The following NMRK1 variants were observed in gnomAD, a reference collection of about 807,000 sequenced individuals.
The protein encoded by NMRK1 is nicotinamide riboside kinase 1, also known as NRK 1.
NMRK1 carries 28 observed loss-of-function variants against 29.9 expected under a neutral mutation model. That is an observed-to-expected ratio of 0.94 (90% CI 0.69 to 1.28). The LOEUF is 1.28. Among genes scored for constraint, NMRK1 ranks in the 50% most tolerant of loss-of-function variants. The pLI is 0.00. For missense variants in NMRK1, 218 were observed against 233.1 expected, an observed-to-expected ratio of 0.94 and a Z score of 0.42; for synonymous variants, 58 against 73.0, an observed-to-expected ratio of 0.79 and a Z score of 1.05.
chr9:75,063,434 A>G (rs1478934357), intron 8 of NMRK1, among the ~76,000 whole-genome samples: 1 of 152,128 alleles, frequency 6.6e-6, no homozygotes, highest in Non-Finnish European at 1.5e-5. Context: ...ATGTTTTTAA[A>G]GGGAGTTTGA....
Position 75,077,225 on chromosome 9 carries a change from T to C in NMRK1, c.121-18A>G. On this transcript the variant is annotated intron_variant, in intron 3 of 8. Transcript: ENST00000361092. ...GACTCTGGCTGGAAAAATAATAAAG[T>C]ACCCATCAAAACAGTGTGTAGGAAA... 1 of 1,559,606 alleles carries C rather than the reference T, an allele frequency of 6.4e-7. No homozygotes were observed. Among genetic ancestry groups the C allele is most frequent in the Non-Finnish European group, 8.8e-7 (1 of 1,136,746 alleles).
At chr9:75,087,546 G>A (rs1377163028) in intron 1 of NMRK1, 1 of 151,430 alleles carries the variant, frequency 6.6e-6, no homozygotes, top group Non-Finnish European at 1.5e-5. Context: ...CACTGAAATC[G>A]TAATTTCATG....
chr9:75,061,205 T>C lies in NMRK1; in HGVS notation c.*343A>G, dbSNP rs1823002170. 3 of 266,914 alleles carry C rather than the reference T, an allele frequency of 1.1e-5. No individual in the cohort carries two copies. The highest frequency in any genetic ancestry group is 4.4e-5 in the African/African-American group (2 of 45,440). The allele number at this position is 266,914 out of a possible 1,614,324, so 16.5% of individuals were successfully genotyped here. Reference sequence around the variant, plus strand: ...CACAATGAATTCCACAGATATTGGATTGTGATGTAATCTTTATTTCTTACT... The same window carrying C: ...CACAATGAATTCCACAGATATTGGACTGTGATGTAATCTTTATTTCTTACT... On this transcript the variant is annotated 3_prime_UTR_variant, in exon 9 of 9. Coordinates refer to ENST00000361092, the MANE Select transcript of NMRK1 (RefSeq NM_017881.3).
At position 75,061,623 on chromosome 9, in the gene NMRK1, A is replaced by C; in HGVS notation, c.581-56T>G. On this transcript the variant is annotated intron_variant, in intron 8 of 8. Transcript: ENST00000361092. ...GAGAATTCCAATTCTCATTTTATTA[A>C]ATCTTTACATCAACAACAGTAAATC... The C allele has an allele frequency of 2.2e-6, 3 of 1,367,338 alleles. No homozygotes were observed. In the South Asian group the frequency reaches 3.6e-5, roughly 16 times the overall value. The allele number at this position is 1,367,338 out of a possible 1,614,324, so 84.7% of individuals were successfully genotyped here. A position where few individuals can be genotyped will look rare whatever the true frequency, so the allele number is the denominator to read the frequency against.
intron 4 of NMRK1, among the ~76,000 whole-genome samples, chr9:75,073,133 A>T (rs879770479): frequency 1.3e-5 from 2 of 152,208 alleles, no homozygotes; most frequent in African/African-American, 2.4e-5. Context: ...TACCTGATGC[A>T]ATATGACTGG....
At chr9:75,077,605 C>A in intron 2 of NMRK1, 25 bp from the exon 3 acceptor site, 2 of 1,538,674 alleles carry the variant, frequency 1.3e-6, no homozygotes, top group Non-Finnish European at 1.8e-6. Context: ...AAAGAAAGTA[C>A]CAAGAAGGAA....
At chr9:75,076,216 G>A (rs949532385) in intron 4 of NMRK1, among the ~76,000 whole-genome samples, 2 of 152,218 alleles carry the variant, frequency 1.3e-5, no homozygotes, top group Non-Finnish European at 2.9e-5. Flanking sequence ...AAAGTATGGT[G>A]TGTATATGTA....
chr9:75,066,244 A>G (rs757916354), intron 8 of NMRK1: 1 of 518,392 alleles, frequency 1.9e-6, no homozygotes, highest in Non-Finnish European at 3.9e-6. Context: ...TTTCTGCTGT[A>G]GCCATATTTA....
At chr9:75,087,105 C>G (rs1341407472) in intron 1 of NMRK1, among the ~76,000 whole-genome samples, 1 of 152,026 alleles carries the variant, frequency 6.6e-6, no homozygotes, top group South Asian at 2.1e-4. Context: ...TCGGGTTTCA[C>G]CAGGTTGGCC....
intron 1 of NMRK1, among the ~76,000 whole-genome samples, chr9:75,084,144 G>C (rs1824482106): frequency 6.6e-6 from 1 of 152,218 alleles, no homozygotes; most frequent in African/African-American, 2.4e-5. Flanking sequence ...TAAGTGAAAA[G>C]GTGAAGCACA....
chr9:75,085,038 T>A (rs943899482), intron 1 of NMRK1, among the ~76,000 whole-genome samples: 3 of 152,264 alleles, frequency 2.0e-5, no homozygotes, highest in Non-Finnish European at 4.4e-5. Context: ...GAGAGGCTGC[T>A]CTTTATCTCA....
chr9:75,077,690 C>T (rs1280877865), intron 2 of NMRK1, 110 bp from the exon 3 acceptor site: 1 of 728,820 alleles, frequency 1.4e-6, no homozygotes, highest in African/African-American at 1.8e-5. Flanking sequence ...GGCTGGAGTG[C>T]AGTGGTGCAA....
intron 2 of NMRK1, chr9:75,078,383 G>C: frequency 6.4e-7 from 1 of 1,566,836 alleles, no homozygotes; most frequent in Non-Finnish European, 8.7e-7. Flanking sequence ...CCACCTGGGG[G>C]CCAGCTGGGA....
At chr9:75,085,350 TG>T (rs1824556054) in intron 1 of NMRK1, among the ~76,000 whole-genome samples, 1 of 152,218 alleles carries the variant, frequency 6.6e-6, no homozygotes, top group Non-Finnish European at 1.5e-5. Flanking sequence ...CTAAACCAAT[TG>T]AGCTGACTTC....
At chr9:75,075,384 G>A (rs1035875043) in intron 4 of NMRK1, among the ~76,000 whole-genome samples, 2 of 152,082 alleles carry the variant, frequency 1.3e-5, no homozygotes, top group Non-Finnish European at 2.9e-5. Context: ...TGCAACTCAA[G>A]ATGCAAGAAC....
At chr9:75,063,180 C>A (rs1823129045) in intron 8 of NMRK1, among the ~76,000 whole-genome samples, 1 of 151,380 alleles carries the variant, frequency 6.6e-6, no homozygotes. Context: ...ATGGCTGGCA[C>A]CTGTGGTCTC....
chr9:75,079,503 A>G (rs922456570), intron 2 of NMRK1, among the ~76,000 whole-genome samples: 5 of 152,242 alleles, frequency 3.3e-5, no homozygotes, highest in African/African-American at 1.2e-4. Context: ...TAGTAATTAG[A>G]TCCTTTCTCA....
rs561092239 is a variant in NMRK1 at position 75,067,712 on chromosome 9, C to CT, written c.497-873_497-872insA. Among the ~76,000 whole-genome samples, 158 of 152,278 alleles carry CT rather than the reference C, an allele frequency of 1.0e-3. 5 individuals are homozygous for CT. The South Asian group carries it at 0.031, about 30-fold the overall frequency. ...TTAGGTAAAAGGGAGAGAAGGGAAG[C>CT]AAGAGGATGTTCTTGCAACCAATGG... On this transcript the variant is annotated intron_variant, in intron 7 of 8. Coordinates refer to ENST00000361092, the MANE Select transcript of NMRK1 (RefSeq NM_017881.3).
At chr9:75,076,509 T>C (rs1375166482) in intron 4 of NMRK1, among the ~76,000 whole-genome samples, 8 of 152,240 alleles carry the variant, frequency 5.3e-5, no homozygotes, top group East Asian at 3.8e-4. Flanking sequence ...GTAAAGATAG[T>C]AAATTATATA....
Sources: gnomAD v4.1 joint callset for allele counts (sites outside exome capture counted in the v4.1 genomes callset) on GRCh38, gnomAD v4.1.1 for gene constraint, MANE v1.5 for transcripts, NCBI Gene and HGNC (gene_info 2026-07-23, HGNC 2026-07-21) for gene names.